Variants in EYS observed in about 807,000 individuals in gnomAD.
The protein encoded by EYS is protein eyes shut homolog.
Under a neutral mutation model 282.1 loss-of-function variants are expected in EYS, and 250 were observed. That is an observed-to-expected ratio of 0.89 (90% confidence interval 0.80 to 0.98). The LOEUF (loss-of-function observed/expected upper bound fraction) is 0.98. Among genes scored for constraint, EYS ranks in the 50% least tolerant of loss-of-function variants. EYS has a pLI of 0.00. For synonymous variants in EYS, 1,355 were observed against 1,282.9 expected (o/e 1.06, Z -1.20); for missense variants, 4,016 against 3,709.0 (o/e 1.08, Z -2.15).
chr6:65,166,194 T>C (rs1219895858), intron 12 of EYS, among the ~76,000 whole-genome samples: 3 of 151,094 alleles, frequency 2.0e-5, no homozygotes, highest in African/African-American at 7.3e-5. Context: ...TAAGCCCTAC[T>C]GAAATCCAAG....
chr6:64,127,555 T>C (rs975846641), intron 31 of EYS, among the ~76,000 whole-genome samples: 2 of 152,162 alleles, frequency 1.3e-5, no homozygotes, highest in African/African-American at 4.8e-5. Context: ...TCCATTTATT[T>C]TGAGAGACTA....
chr6:65,121,220 G>T (rs1775539161), intron 12 of EYS, among the ~76,000 whole-genome samples: 1 of 152,028 alleles, frequency 6.6e-6, no homozygotes, highest in Non-Finnish European at 1.5e-5. Context: ...CAAGACACTT[G>T]TGCACATTGA....
chr6:65,271,126 G>C (rs1193249273), intron 12 of EYS, among the ~76,000 whole-genome samples: 3 of 12,222 alleles, frequency 2.5e-4, no homozygotes, highest in Non-Finnish European at 4.4e-4. Flanking sequence ...AGAATCAATA[G>C]ATTATATATA....
intron 26 of EYS, among the ~76,000 whole-genome samples, chr6:64,532,961 T>G (rs1237083299): frequency 6.6e-6 from 1 of 151,740 alleles, no homozygotes; most frequent in Non-Finnish European, 1.5e-5. Flanking sequence ...TGCTAAAAGA[T>G]CTAAAGAAAA....
chr6:65,240,528 CAT>C (rs1180794544), intron 12 of EYS, among the ~76,000 whole-genome samples: 1 of 152,114 alleles, frequency 6.6e-6, no homozygotes, highest in African/African-American at 2.4e-5. Context: ...TAAGTGAGAA[CAT>C]GTGGTATTTG....
At chr6:65,588,238 C>T (rs554629624) in intron 2 of EYS, among the ~76,000 whole-genome samples, 2 of 152,152 alleles carry the variant, frequency 1.3e-5, no homozygotes, top group South Asian at 4.1e-4. Context: ...GTGTCATAAA[C>T]CTCTATCCAC....
At chr6:65,575,647 C>T (rs1764637851) in intron 2 of EYS, among the ~76,000 whole-genome samples, 1 of 151,460 alleles carries the variant, frequency 6.6e-6, no homozygotes, top group East Asian at 1.9e-4. Flanking sequence ...AGAAATCAAC[C>T]AAATTAAAAT....
intron 5 of EYS, among the ~76,000 whole-genome samples, chr6:65,444,272 TA>T (rs1360549847): frequency 6.6e-6 from 1 of 152,080 alleles, no homozygotes; most frequent in Non-Finnish European, 1.5e-5. Flanking sequence ...CTTCCCATAC[TA>T]AATTTTGGCT....
At chr6:63,795,010 C>T (rs1322068740) in intron 37 of EYS, among the ~76,000 whole-genome samples, 2 of 152,108 alleles carry the variant, frequency 1.3e-5, no homozygotes, top group African/African-American at 2.4e-5. Flanking sequence ...AGTGACTCTA[C>T]ATGAATAGTA....
At chr6:64,706,701 CAT>C (rs1054619740) in intron 22 of EYS, among the ~76,000 whole-genome samples, 10 of 152,046 alleles carry the variant, frequency 6.6e-5, no homozygotes, top group African/African-American at 2.2e-4. Flanking sequence ...GGCCAACAAA[CAT>C]ATAAAATAAC....
chr6:64,532,975 G>A (rs1439626929), intron 26 of EYS, among the ~76,000 whole-genome samples: 2 of 152,072 alleles, frequency 1.3e-5, no homozygotes, highest in East Asian at 3.9e-4. Flanking sequence ...AAGAAAAAAA[G>A]GGGACAATAT....
chr6:64,972,288 A>G (rs1016259374), intron 14 of EYS, among the ~76,000 whole-genome samples: 1 of 152,200 alleles, frequency 6.6e-6, no homozygotes, highest in Non-Finnish European at 1.5e-5. Context: ...TCTATAATAC[A>G]GCTACTGAAA....
chr6:64,641,133 G>A (rs1391607261), intron 22 of EYS, among the ~76,000 whole-genome samples: 1 of 152,168 alleles, frequency 6.6e-6, no homozygotes. Flanking sequence ...ATTTACAAAA[G>A]AAACAGGTTT....
chr6:64,748,869 T>G (rs1161236013), intron 22 of EYS, among the ~76,000 whole-genome samples: 1 of 152,134 alleles, frequency 6.6e-6, no homozygotes. Context: ...ACCTCCCAGG[T>G]TCAAGCAATT....
intron 13 of EYS, among the ~76,000 whole-genome samples, chr6:65,038,942 C>T (rs1583424180): frequency 6.6e-6 from 1 of 151,438 alleles, no homozygotes; most frequent in East Asian, 1.9e-4. Flanking sequence ...GCTTTATGTC[C>T]TGGGTATGTG....
chr6:63,874,482 T>C (rs939686462), intron 35 of EYS, among the ~76,000 whole-genome samples: 1 of 152,212 alleles, frequency 6.6e-6, no homozygotes, highest in African/African-American at 2.4e-5. Context: ...ATGTGGGCTC[T>C]TTTTTGGTTC....
intron 31 of EYS, among the ~76,000 whole-genome samples, chr6:64,111,377 G>A (rs1365873352): frequency 6.6e-6 from 1 of 152,020 alleles, no homozygotes; most frequent in Admixed American, 6.6e-5. Context: ...GGCTATAGGA[G>A]TCGAGCACGG....
chr6:64,781,008 GT>G (rs1773841210), intron 22 of EYS, among the ~76,000 whole-genome samples: 1 of 152,118 alleles, frequency 6.6e-6, no homozygotes, highest in African/African-American at 2.4e-5. Context: ...AAATTAATAT[GT>G]TTTATATTCA....
rs1474376788 is a variant in EYS at position 65,114,285 on chromosome 6, A to G, written c.2024-56558T>C. ...TAACTCTTATGAAATAAAACAAACT[A>G]TATTTCTTTGCCTTACATTTTTATA... On this transcript the variant is annotated intron_variant, in intron 12 of 42. Coordinates refer to ENST00000503581, the MANE Select transcript of EYS (RefSeq NM_001142800.2). Among the ~76,000 whole-genome samples the G allele has an allele frequency of 2.7e-5, 4 of 150,590 alleles. No homozygotes were observed. The East Asian group carries it at 7.8e-4, about 29-fold the overall frequency.
Sources: allele counts gnomAD v4.1 joint callset (sites outside exome capture counted in the v4.1 genomes callset), GRCh38; gene constraint gnomAD v4.1.1; transcripts MANE v1.5; gene names NCBI Gene and HGNC (gene_info 2026-07-23, HGNC 2026-07-21).